Variants in WASF2 observed in about 807,000 individuals in gnomAD.
WASF2 encodes the protein actin-binding protein WASF2.
A neutral mutation model predicts 45.0 loss-of-function variants in WASF2; 14 were observed. The observed-to-expected ratio is 0.31, with a 90% CI of 0.21 to 0.49. WASF2 has a LOEUF of 0.49. Ranked by LOEUF, WASF2 falls within the 20% of genes least tolerant of loss-of-function variation. The pLI is 0.99. For missense variants in WASF2, 439 were observed against 636.1 expected, an observed-to-expected ratio of 0.69 and a Z score of 3.33; for synonymous variants, 200 against 236.3, an observed-to-expected ratio of 0.85 and a Z score of 1.41.
intron 1 of WASF2, among the ~76,000 whole-genome samples, chr1:27,458,636 T>C (rs778484214): frequency 6.8e-6 from 1 of 146,556 alleles, no homozygotes; most frequent in African/African-American, 2.5e-5. Flanking sequence ...CTACTAAAAA[T>C]ACAAAAATTA....
In WASF2 at chr1:27,432,753, T is replaced by C. The variant is rs182293011; in HGVS notation, c.-43-3820A>G. On this transcript the variant is annotated intron_variant, in intron 1 of 8. Coordinates refer to ENST00000618852, the MANE Select transcript of WASF2 (RefSeq NM_006990.5). ...CTATTCACTGATAAATATTTTATCT[T>C]ATTATTTAAGAGACAAGGTCTCACT... 2.1e-3 allele frequency among the ~76,000 whole-genome samples: 327 copies of C among 152,110 alleles called. 2 individuals are homozygous for C. The highest frequency in any genetic ancestry group is 7.6e-3 in the African/African-American group (317 of 41,480).
chr1:27,482,843 T>C (rs1401571636), intron 1 of WASF2, among the ~76,000 whole-genome samples: 2 of 152,030 alleles, frequency 1.3e-5, no homozygotes, highest in African/African-American at 4.8e-5. Flanking sequence ...GCTCCACCAC[T>C]CCTACCCCTA....
In WASF2 at chr1:27,407,396, A is replaced by G. The variant is rs2016693116; in HGVS notation, c.*793T>C. On this transcript the variant is annotated 3_prime_UTR_variant, in exon 9 of 9. Coordinates refer to ENST00000618852, the MANE Select transcript of WASF2 (RefSeq NM_006990.5). ...AGGCTTTGCTCCTGACAGCCAGAAGAGGCCCCTGTCCTCATGTGTCAGGGA... is the reference window on the plus strand; with the variant it reads ...AGGCTTTGCTCCTGACAGCCAGAAGGGGCCCCTGTCCTCATGTGTCAGGGA... The G allele has an allele frequency of 6.5e-6, 1 of 152,700 alleles. No homozygotes were observed. Among genetic ancestry groups the G allele is most frequent in the East Asian group, 1.9e-4 (1 of 5,198 alleles). 9.5% of individuals were successfully genotyped at this position (152,700 alleles called of 1,614,324 possible).
chr1:27,421,495 T>C (rs1479188164), intron 2 of WASF2, among the ~76,000 whole-genome samples: 3 of 152,080 alleles, frequency 2.0e-5, no homozygotes, highest in South Asian at 2.1e-4. Context: ...ATGGGCAATA[T>C]GGCAAAACCC....
At position 27,406,984 on chromosome 1, in the gene WASF2, G is replaced by C. The variant is rs1169422883; in HGVS notation, c.*1205C>G. 1 of 152,260 alleles carries C rather than the reference G, an allele frequency of 6.6e-6. No individual in the cohort carries two copies. Among genetic ancestry groups the C allele is most frequent in the African/African-American group, 2.4e-5 (1 of 41,442 alleles). 9.4% of individuals were successfully genotyped at this position (152,260 alleles called of 1,614,324 possible). On this transcript the variant is annotated 3_prime_UTR_variant, in exon 9 of 9. Transcript: ENST00000618852. ...CCCCTTCCTTCTCTCACTACTTCTG[G>C]TCCCCCAGAGAGGCTGGTCCCAAGG...
intron 7 of WASF2, 32 bp downstream of exon 7, chr1:27,412,540 C>T (rs778851594): frequency 6.2e-6 from 10 of 1,613,036 alleles, no homozygotes; most frequent in South Asian, 4.4e-5. Context: ...GTATAACTAC[C>T]AATAGTGGAT....
chr1:27,425,491 T>A (rs2016966135), intron 2 of WASF2, among the ~76,000 whole-genome samples: 1 of 151,764 alleles, frequency 6.6e-6, no homozygotes, highest in Admixed American at 6.6e-5. Flanking sequence ...TCACCTGAGG[T>A]CAGGAGTTTG....
rs747661986 is a variant in WASF2, at chr1:27,416,083, G to A, written c.439C>T (p.Leu147Phe). 9 of 1,613,894 alleles carry A rather than the reference G, an allele frequency of 5.6e-6. No homozygotes were observed. Residue 147 changes from leucine to phenylalanine, a missense_variant, in exon 5 of 9, where the codon CTC (leucine) becomes TTC (phenylalanine). Coordinates refer to ENST00000618852, the MANE Select transcript of WASF2 (RefSeq NM_006990.5). ...TATGAAGGGTCTGTGTAGAATTTGA[G>A]TGCCTCTTTTCCATCGTCCCTGGGA... ...TPYRDDGKEA[L>F]KFYTDPSYFF...
chr1:27,454,187 ATTTTTTTTT>A (rs869057863), intron 1 of WASF2, among the ~76,000 whole-genome samples: 1 of 12,774 alleles, frequency 7.8e-5, no homozygotes, highest in African/African-American at 2.1e-4. Flanking sequence ...ATATATATAT[ATTTTTTTTT>A]TTTTTTTTTT....
At chr1:27,480,410 G>A (rs1393720061) in intron 1 of WASF2, among the ~76,000 whole-genome samples, 6 of 151,804 alleles carry the variant, frequency 4.0e-5, no homozygotes. Flanking sequence ...CCAGCTACTC[G>A]AGAGGCTAAG....
rs76186773 is a variant in WASF2 at position 27,439,201 on chromosome 1, T to C, written c.-43-10268A>G. Among the ~76,000 whole-genome samples, 53 of 152,328 alleles carry C rather than the reference T, an allele frequency of 3.5e-4. 1 individual carries two copies. In the East Asian group the frequency reaches 0.01, roughly 29 times the overall value. ...TCTATTTCCTAGCCTGTTAAATCATTATCATGACCCCTTGTCTGTAAAGTT... is the reference window on the plus strand; with the variant it reads ...TCTATTTCCTAGCCTGTTAAATCATCATCATGACCCCTTGTCTGTAAAGTT... On this transcript the variant is annotated intron_variant, in intron 1 of 8. Coordinates refer to ENST00000618852, the MANE Select transcript of WASF2 (RefSeq NM_006990.5).
intron 1 of WASF2, among the ~76,000 whole-genome samples, chr1:27,454,415 T>C (rs557339248): frequency 6.6e-6 from 1 of 151,318 alleles, no homozygotes; most frequent in South Asian, 2.1e-4. Flanking sequence ...AGTGGTGCAA[T>C]TACAGATCAC....
intron 1 of WASF2, among the ~76,000 whole-genome samples, chr1:27,479,603 G>A (rs546650165): frequency 3.3e-4 from 51 of 152,278 alleles, no homozygotes; most frequent in African/African-American, 1.1e-3. Flanking sequence ...GGTGGCTCAC[G>A]CCTGTAATCC....
intron 1 of WASF2, among the ~76,000 whole-genome samples, chr1:27,470,771 T>C (rs892546973): frequency 3.9e-5 from 6 of 152,154 alleles, no homozygotes; most frequent in African/African-American, 1.4e-4. Context: ...TGCTATGCAT[T>C]TTCTTGGGAA....
chr1:27,490,056 TCCCGCGGA>T lies in WASF2; in HGVS notation c.-122_-115del, dbSNP rs1198659908. On this transcript the variant is annotated 5_prime_UTR_variant, in exon 1 of 9. Coordinates refer to ENST00000618852, the MANE Select transcript of WASF2 (RefSeq NM_006990.5). ...CGCCCAGTCTCCGCACAGAGTGTGC[TCCCGCGGA>T]CCGCCTCGCGGGCTGCCAAACGGCC... The T allele has an allele frequency of 6.6e-6, 1 of 152,128 alleles. No individual in the cohort carries two copies. Among genetic ancestry groups the T allele is most frequent in the Non-Finnish European group, 1.5e-5 (1 of 68,046 alleles). 9.4% of individuals were successfully genotyped at this position (152,128 alleles called of 1,614,324 possible).
At chr1:27,422,731 G>A (rs1386151813) in intron 2 of WASF2, among the ~76,000 whole-genome samples, 2 of 152,044 alleles carry the variant, frequency 1.3e-5, no homozygotes, top group Non-Finnish European at 2.9e-5. Flanking sequence ...TCTGTAAAGT[G>A]GGGATAATAT....
chr1:27,473,925 C>A (rs991278147), intron 1 of WASF2, among the ~76,000 whole-genome samples: 2 of 152,206 alleles, frequency 1.3e-5, no homozygotes, highest in African/African-American at 4.8e-5. Context: ...CACGCACCCA[C>A]ACTCACTCAG....
intron 2 of WASF2, among the ~76,000 whole-genome samples, chr1:27,420,850 A>C (rs74061793): frequency 6.6e-6 from 1 of 152,186 alleles, no homozygotes; most frequent in African/African-American, 2.4e-5. Flanking sequence ...TGCAAGGTGA[A>C]GGCACGCATA....
At chr1:27,434,427 A>G (rs972179684) in intron 1 of WASF2, among the ~76,000 whole-genome samples, 6 of 152,240 alleles carry the variant, frequency 3.9e-5, no homozygotes, top group African/African-American at 1.4e-4. Context: ...CCAAGCTGCC[A>G]TGATCTCCTC....
Sources: allele counts gnomAD v4.1 joint callset (sites outside exome capture counted in the v4.1 genomes callset), GRCh38; gene constraint gnomAD v4.1.1; transcripts MANE v1.5; gene names NCBI Gene and HGNC (gene_info 2026-07-23, HGNC 2026-07-21).